The following MBTPS1 variants were observed in gnomAD, a reference collection of about 807,000 sequenced individuals.
The protein encoded by MBTPS1 is membrane-bound transcription factor site-1 protease.
MBTPS1 carries 94 observed loss-of-function variants against 127.8 expected under a neutral mutation model. The ratio of observed to expected loss-of-function variants is 0.74; its 90% CI spans 0.62 to 0.87. The LOEUF is 0.87. MBTPS1 is among the 40% of genes least tolerant of loss of function. The probability of loss-of-function intolerance (pLI) is 0.00; values close to 1 mark genes in which losing one functional copy is unlikely to be tolerated. For missense variants in MBTPS1, 1,636 were observed against 1,353.2 expected (o/e 1.21, Z -3.28); for synonymous variants, 632 against 509.4 (o/e 1.24, Z -3.24).
intron 1 of MBTPS1, among the ~76,000 whole-genome samples, chr16:84,107,756 G>A (rs2086344258): frequency 6.6e-6 from 1 of 151,118 alleles, no homozygotes; most frequent in Non-Finnish European, 1.5e-5. Context: ...CCAGGGTGGA[G>A]GACAGTGGCA....
chr16:84,054,734 T>A, intron 22 of MBTPS1, 89 bp from the exon 23 acceptor site: 1 of 1,034,532 alleles, frequency 9.7e-7, no homozygotes. Context: ...CATCAGAAAC[T>A]AAATGCGAGC....
chr16:84,087,500 GA>G (rs11312336), intron 8 of MBTPS1, 40 bp from the exon 9 acceptor site: 72,566 of 1,269,510 alleles, frequency 0.057, 3,200 homozygotes, highest in East Asian at 0.19. Context: ...AAAAGAAAAA[GA>G]AAAAAACAAG....
rs766282988 is a variant in MBTPS1 at position 84,081,750 on chromosome 16, G to C, written c.1445C>G (p.Ala482Gly). Residue 482 changes from alanine to glycine, a missense_variant, in exon 11 of 23, where the codon GCA becomes GGA. Coordinates refer to ENST00000343411, the MANE Select transcript of MBTPS1 (RefSeq NM_003791.4). ...YQILNSYKPQ[A>G]SLSPSYIDLT... is the part of the protein sequence containing the mutation. ...ATCGGCAGGGCGGTGCACTGACCTT[G>C]CCTGTGGCTTGTAGCTGTTGAGGAT... is the stretch of plus-strand genomic sequence containing the variant. 1.1e-5 allele frequency: 16 copies of C among 1,391,804 alleles called. No homozygotes were observed. The highest frequency in any genetic ancestry group is 1.5e-5 in the Non-Finnish European group (16 of 1,061,284). 86.2% of individuals were successfully genotyped at this position (1,391,804 alleles called of 1,614,324 possible).
chr16:84,091,592 C>A, intron 7 of MBTPS1, 140 bp downstream of exon 7: 1 of 633,746 alleles, frequency 1.6e-6, no homozygotes. Flanking sequence ...ATCACTGAAG[C>A]TCACGTCATT....
chr16:84,099,194 A>T lies in MBTPS1; in HGVS notation c.280T>A (p.Ser94Thr). The stretch of plus-strand genomic sequence containing the variant: ...TCAAAATCACTAGGGTAGTCACTGG[A>T]TGGATTGTTTCGAGGTATAATTCTC... ...NWRIIPRNNP[S>T]SDYPSDFEVI... The change falls in exon 3 of 23, where the codon TCC (serine) becomes ACC (threonine). Residue 94 changes from serine (S) to threonine (T), a missense_variant. Physicochemically the swap from Ser to Thr is moderately conservative, Grantham distance 58. Transcript: ENST00000343411. 1 of 1,614,172 alleles carries T rather than the reference A, an allele frequency of 6.2e-7. No individual in the cohort carries two copies. Among genetic ancestry groups the T allele is most frequent in the Non-Finnish European group, 8.5e-7 (1 of 1,180,028 alleles).
In MBTPS1 at chr16:84,054,520, G is replaced by T. The variant is rs376705249; in HGVS notation, c.3088C>A (p.Arg1030=). ...GGGCGCTTCACCCTGGGCTTCCTCC[G>T]CTTCGGCCTGCTCTTGGCCTTGTTG... The part of the protein sequence containing the change: ...QINKAKSRPK[R]RKPRVKRPQL... The change falls in exon 23 of 23, where the codon CGG becomes AGG. Residue 1030 remains arginine (R), a synonymous_variant. Transcript: ENST00000343411. 6.2e-7 allele frequency: 1 copy of T among 1,613,872 alleles called. No homozygotes were observed. The highest frequency in any genetic ancestry group is 8.5e-7 in the Non-Finnish European group (1 of 1,179,868).
chr16:84,091,677 G>C, intron 7 of MBTPS1, 55 bp downstream of exon 7: 1 of 1,203,298 alleles, frequency 8.3e-7, no homozygotes, highest in Non-Finnish European at 1.2e-6. Flanking sequence ...GCAAAGTTGG[G>C]CTGCGAAAGA....
rs200761583 is a variant in MBTPS1 at position 84,063,293 on chromosome 16, C to T, written c.2572+12G>A. 718 of 1,603,490 alleles carry T rather than the reference C, an allele frequency of 4.5e-4. No homozygotes were observed. Among genetic ancestry groups the T allele is most frequent in the Non-Finnish European group, 5.5e-4 (642 of 1,172,018 alleles). On this transcript the variant is annotated intron_variant, in intron 19 of 22. Transcript: ENST00000343411. Reference sequence around the variant, plus strand: ...GTGCCGAAGTCACAAAGTCCATCTGCGTTTTTCCTACCCTTCTGTCGGTGA... The same window carrying T: ...GTGCCGAAGTCACAAAGTCCATCTGTGTTTTTCCTACCCTTCTGTCGGTGA...
At chr16:84,065,868 T>C in intron 17 of MBTPS1, 101 bp from the exon 18 acceptor site, 1 of 644,418 alleles carries the variant, frequency 1.6e-6, no homozygotes, top group Non-Finnish European at 2.6e-6. Context: ...AGATGCTATG[T>C]ATTTTTTTAA....
chr16:84,084,909 G>T (rs116279066), intron 10 of MBTPS1, 74 bp downstream of exon 10: 1 of 1,506,286 alleles, frequency 6.6e-7, no homozygotes, highest in Non-Finnish European at 9.1e-7. Context: ...AGCAAGACAC[G>T]ACTCCTGCTC....
chr16:84,114,095 G>C (rs972971259), intron 1 of MBTPS1, among the ~76,000 whole-genome samples: 1 of 151,488 alleles, frequency 6.6e-6, no homozygotes, highest in Non-Finnish European at 1.5e-5. Flanking sequence ...CTCCCAAGTA[G>C]CTGGGACTAC....
chr16:84,092,374 T>C (rs2086121888), intron 6 of MBTPS1, among the ~76,000 whole-genome samples: 2 of 152,250 alleles, frequency 1.3e-5, no homozygotes, highest in South Asian at 4.1e-4. Context: ...CCTTTAGCTG[T>C]TGCTTTTTTA....
At chr16:84,070,529 T>G in intron 13 of MBTPS1, 59 bp downstream of exon 13, 1 of 1,567,398 alleles carries the variant, frequency 6.4e-7, no homozygotes, top group African/African-American at 1.4e-5. Flanking sequence ...GGCCTGTCCC[T>G]CCCTGAAAGG....
intron 16 of MBTPS1, 142 bp downstream of exon 16, chr16:84,067,525 C>CT (rs989897338): frequency 1.4e-4 from 93 of 683,956 alleles, no homozygotes; most frequent in Non-Finnish European, 1.7e-4. Flanking sequence ...GTCGAAAGGG[C>CT]TTTTTTTCTA....
At chr16:84,087,219 C>T (rs1216602569) in intron 9 of MBTPS1, 139 bp downstream of exon 9, 1 of 659,984 alleles carries the variant, frequency 1.5e-6, no homozygotes, top group African/African-American at 1.8e-5. Flanking sequence ...GGCAGGCACT[C>T]ACAGCCCCGG....
At chr16:84,082,454 C>T (rs754704488) in intron 10 of MBTPS1, among the ~76,000 whole-genome samples, 6 of 152,184 alleles carry the variant, frequency 3.9e-5, no homozygotes, top group Admixed American at 6.5e-5. Context: ...CCTTTCAGAA[C>T]GACATAGACC....
At chr16:84,106,611 G>A (rs1253318211) in intron 1 of MBTPS1, among the ~76,000 whole-genome samples, 1 of 152,220 alleles carries the variant, frequency 6.6e-6, no homozygotes, top group Non-Finnish European at 1.5e-5. Flanking sequence ...ACAGCCCAGG[G>A]AAGGCCTGCA....
rs370005463 is a variant in MBTPS1 at position 84,067,795 on chromosome 16, C to T, written c.2100G>A (p.Glu700=). The change falls in exon 16 of 23, where the codon GAG becomes GAA. Residue 700 remains glutamate, a synonymous_variant. Transcript: ENST00000343411. ...TGGCGATCTCTTCAGGGAAGTACTC[C>T]TCCTCACTGTCCACCATCAGCAAAG... The part of the protein sequence containing the change: ...YGTLLMVDSE[E]EYFPEEIAKL... The T allele has an allele frequency of 6.2e-7, 1 of 1,612,886 alleles. No individual in the cohort carries two copies. The highest frequency in any genetic ancestry group is 1.1e-5 in the South Asian group (1 of 91,010).
At chr16:84,061,153 A>AT (rs61201379) in intron 19 of MBTPS1, 111,700 of 160,220 alleles carry the variant, frequency 0.7, 39,241 homozygotes, top group East Asian at 0.87. Flanking sequence ...CTCTAAAGGA[A>AT]TTTTTTTTAA....
Sources: allele counts gnomAD v4.1 joint callset (sites outside exome capture counted in the v4.1 genomes callset), GRCh38; gene constraint gnomAD v4.1.1; transcripts MANE v1.5; gene names NCBI Gene and HGNC (gene_info 2026-07-23, HGNC 2026-07-21).